Variants in MPHOSPH8 observed in about 807,000 individuals in gnomAD.
MPHOSPH8 encodes the protein M-phase phosphoprotein 8, also known as M-phase phosphoprotein, mpp.
A neutral mutation model predicts 87.3 loss-of-function variants in MPHOSPH8; 45 were observed. The ratio of observed to expected loss-of-function variants is 0.52; its 90% confidence interval spans 0.41 to 0.66. The LOEUF (loss-of-function observed/expected upper bound fraction) is 0.66, where lower values mean the gene tolerates loss of function less well. Ranked by LOEUF, MPHOSPH8 falls within the 30% of genes least tolerant of loss-of-function variation. The probability of loss-of-function intolerance (pLI) is 0.00; values close to 1 mark genes in which losing one functional copy is unlikely to be tolerated. For synonymous variants in MPHOSPH8, 366 were observed against 376.9 expected, an observed-to-expected ratio of 0.97 and a Z score of 0.33; for missense variants, 883 against 1,020.2, an observed-to-expected ratio of 0.87 and a Z score of 1.83.
At chr13:19,652,336 C>T (rs1004451708) in intron 5 of MPHOSPH8, among the ~76,000 whole-genome samples, 2 of 152,134 alleles carry the variant, frequency 1.3e-5, no homozygotes, top group Non-Finnish European at 2.9e-5. Context: ...GGTCGGGGAA[C>T]TCCCTCCCCT....
Position 19,651,828 on chromosome 13 carries a change from G to A in MPHOSPH8, c.1576+1568G>A, listed in dbSNP as rs184772663. On this transcript the variant is annotated intron_variant, in intron 5 of 13. Transcript: ENST00000361479. ...GTTAAAGAACATGAGGGCTGGGCAC[G>A]GCGGCTCACACCTGTAATCCCAGCA... Among the ~76,000 whole-genome samples the A allele has an allele frequency of 2.3e-3, 350 of 152,130 alleles. 2 individuals are homozygous for A. Among genetic ancestry groups the A allele is most frequent in the South Asian group, 0.015 (72 of 4,818 alleles).
At chr13:19,658,124 C>T (rs1045582481) in intron 5 of MPHOSPH8, among the ~76,000 whole-genome samples, 3 of 152,222 alleles carry the variant, frequency 2.0e-5, no homozygotes, top group Non-Finnish European at 1.5e-5. Flanking sequence ...TGTTTCTCTG[C>T]TGTCAGCTCT....
intron 7 of MPHOSPH8, chr13:19,661,230 G>A (rs1322325369): frequency 6.5e-6 from 1 of 152,848 alleles, no homozygotes; most frequent in Admixed American, 6.5e-5. Context: ...ATAAAATTTA[G>A]GTTTACACTA....
Position 19,646,932 on chromosome 13 carries a change from A to G in MPHOSPH8, c.859A>G (p.Arg287Gly). 1 of 1,595,594 alleles carries G rather than the reference A, an allele frequency of 6.3e-7. No homozygotes were observed. The highest frequency in any genetic ancestry group is 8.5e-7 in the Non-Finnish European group (1 of 1,175,708). Residue 287 changes from arginine (R) to glycine (G), a missense_variant, in exon 3 of 14, where the codon AGA becomes GGA. Physicochemically the swap from Arg to Gly is moderately radical, Grantham distance 125 (BLOSUM62 -2). Coordinates refer to ENST00000361479, the MANE Select transcript of MPHOSPH8 (RefSeq NM_017520.4). ...CAGTGAAGGGCTACATTCCGACAGC[A>G]GAGAAGAGAAACAAAACACTAAAAG... ...DDSEGLHSDS[R>G]EEKQNTKSAR...
At chr13:19,652,813 C>T (rs372350191) in intron 5 of MPHOSPH8, among the ~76,000 whole-genome samples, 3 of 152,244 alleles carry the variant, frequency 2.0e-5, no homozygotes, top group South Asian at 2.1e-4. Flanking sequence ...GCAAAGCCTC[C>T]GGGATGTTCG....
chr13:19,646,597 C>T lies in MPHOSPH8; in HGVS notation c.524C>T (p.Ala175Val). ...GATCTGAAAAAGAAAAAAGCAAAGG[C>T]CGGGAAGCTAAAAGACAAGTCCAAA... ...PDDLKKKKAK[A>V]GKLKDKSKPD... is the part of the protein sequence containing the mutation. The change falls in exon 3 of 14, where the codon GCC becomes GTC. Residue 175 changes from alanine to valine, a missense_variant. Physicochemically the swap from Ala to Val is moderately conservative, Grantham distance 64. Coordinates refer to ENST00000361479, the MANE Select transcript of MPHOSPH8 (RefSeq NM_017520.4). 6.3e-7 allele frequency: 1 copy of T among 1,583,130 alleles called. No individual in the cohort carries two copies. Among genetic ancestry groups the T allele is most frequent in the Non-Finnish European group, 8.5e-7 (1 of 1,172,818 alleles).
chr13:19,646,749 GA>G lies in MPHOSPH8; in HGVS notation c.678del (p.Glu226AspfsTer2), dbSNP rs1565935424. 1 of 1,583,830 alleles carries G rather than the reference GA, an allele frequency of 6.3e-7. No homozygotes were observed. The highest frequency in any genetic ancestry group is 8.6e-7 in the Non-Finnish European group (1 of 1,168,880). On this transcript the variant is annotated frameshift_variant, in exon 3 of 14. Coordinates refer to ENST00000361479, the MANE Select transcript of MPHOSPH8 (RefSeq NM_017520.4). LOFTEE classifies it high-confidence loss of function. Reference protein sequence around the residue: ...PKKDEVKETKELKKVKKGEIR... With the variant: ...PKKDEVKETKXLKKVKKGEIR... The stretch of plus-strand genomic sequence containing the variant: ...AAAAGATGAAGTAAAAGAAACAAAA[GA>G]ATTAAAGAAAGTTAAAAAGGGTGAA...
At chr13:19,654,390 G>C (rs1292432207) in intron 5 of MPHOSPH8, among the ~76,000 whole-genome samples, 1 of 152,110 alleles carries the variant, frequency 6.6e-6, no homozygotes, top group African/African-American at 2.4e-5. Context: ...GACAGGATGA[G>C]GGGTGCAGCA....
chr13:19,661,892 G>A (rs1875551722), intron 8 of MPHOSPH8, 54 bp downstream of exon 8: 2 of 1,532,346 alleles, frequency 1.3e-6, no homozygotes, highest in Admixed American at 2.0e-5. Context: ...TCCTGCCGAT[G>A]GACTGAGAGG....
chr13:19,643,104 T>G (rs1263322313), intron 2 of MPHOSPH8, among the ~76,000 whole-genome samples: 1 of 152,254 alleles, frequency 6.6e-6, no homozygotes, highest in Non-Finnish European at 1.5e-5. Context: ...TTTTTAGCTT[T>G]TTTTTCTTTT....
At chr13:19,635,440 A>AG in intron 1 of MPHOSPH8, among the ~76,000 whole-genome samples, 1 of 152,280 alleles carries the variant, frequency 6.6e-6, no homozygotes, top group African/African-American at 2.4e-5. Context: ...AGGCAGGAGA[A>AG]TTGCTTGAAC....
chr13:19,635,174 T>C (rs1873938632), intron 1 of MPHOSPH8, among the ~76,000 whole-genome samples: 1 of 152,240 alleles, frequency 6.6e-6, no homozygotes, highest in Non-Finnish European at 1.5e-5. Context: ...TGTTAGACTA[T>C]TTTGTATCAC....
At chr13:19,670,991 T>G (rs1288801413) in intron 12 of MPHOSPH8, 1 of 1,188,064 alleles carries the variant, frequency 8.4e-7, no homozygotes, top group Admixed American at 2.8e-5. Flanking sequence ...GGCTAATTTT[T>G]TGTATTTTTT....
At chr13:19,652,601 A>C (rs914433055) in intron 5 of MPHOSPH8, among the ~76,000 whole-genome samples, 11 of 152,068 alleles carry the variant, frequency 7.2e-5, no homozygotes, top group Admixed American at 2.0e-4. Context: ...TCCTCTGGAA[A>C]GGGGGCTGAA....
intron 9 of MPHOSPH8, 37 bp from the exon 10 acceptor site, chr13:19,666,388 C>G (rs1185439912): frequency 6.4e-7 from 1 of 1,574,464 alleles, no homozygotes; most frequent in Non-Finnish European, 8.7e-7. Flanking sequence ...CCACAGTTTA[C>G]AGCTAAGTAA....
At chr13:19,639,749 C>T (rs954042843) in intron 1 of MPHOSPH8, among the ~76,000 whole-genome samples, 10 of 152,162 alleles carry the variant, frequency 6.6e-5, no homozygotes, top group Non-Finnish European at 1.2e-4. Flanking sequence ...ATTTTAAAAA[C>T]TGAGGTCCCC....
At chr13:19,641,624 C>G (rs967394669) in intron 1 of MPHOSPH8, among the ~76,000 whole-genome samples, 9 of 151,322 alleles carry the variant, frequency 5.9e-5, no homozygotes, top group Non-Finnish European at 1.2e-4. Context: ...TCCGAAGTAG[C>G]TGGGATTACA....
chr13:19,653,556 A>G (rs968145939), intron 5 of MPHOSPH8, among the ~76,000 whole-genome samples: 8 of 152,226 alleles, frequency 5.3e-5, no homozygotes, highest in Non-Finnish European at 1.0e-4. Context: ...TGGGCGGAGA[A>G]TGAGTTTGAC....
At chr13:19,663,247 A>G (rs1026272280) in intron 9 of MPHOSPH8, 121 bp downstream of exon 9, 266 of 857,958 alleles carry the variant, frequency 3.1e-4, no homozygotes, top group Middle Eastern at 4.7e-4. Flanking sequence ...AGACAGTCCT[A>G]GAGTCAGCCG....
Sources: gnomAD v4.1 joint callset for allele counts (sites outside exome capture counted in the v4.1 genomes callset) on GRCh38, gnomAD v4.1.1 for gene constraint, MANE v1.5 for transcripts, NCBI Gene and HGNC (gene_info 2026-07-23, HGNC 2026-07-21) for gene names.